The following RIMBP2 variants were observed in gnomAD, a reference collection of about 807,000 sequenced individuals.
RIMBP2 encodes RIMS binding protein 2.
A neutral mutation model predicts 118.6 loss-of-function variants in RIMBP2; 48 were observed. The observed-to-expected ratio is 0.40, with a 90% CI of 0.32 to 0.51. The LOEUF is 0.51. Ranked by LOEUF, RIMBP2 falls within the 20% of genes least tolerant of loss-of-function variation. RIMBP2 has a pLI of 0.41. For synonymous variants in RIMBP2, 762 were observed against 742.9 expected (o/e 1.03, Z -0.42); for missense variants, 1,551 against 1,768.3 (o/e 0.88, Z 2.20).
chr12:130,637,582 A>C (rs1484859225), intron 1 of RIMBP2, among the ~76,000 whole-genome samples: 2 of 152,258 alleles, frequency 1.3e-5, no homozygotes, highest in African/African-American at 2.4e-5. Flanking sequence ...GCCACAGTTA[A>C]GGAATCCTAA....
At chr12:130,711,236 C>G (rs541668889) in intron 1 of RIMBP2, among the ~76,000 whole-genome samples, 1 of 152,274 alleles carries the variant, frequency 6.6e-6, no homozygotes, top group Admixed American at 6.5e-5. Context: ...GAGCAAGACT[C>G]TGTCTCAAAA....
chr12:130,672,636 C>A (rs1053580630), intron 1 of RIMBP2, among the ~76,000 whole-genome samples: 3 of 152,316 alleles, frequency 2.0e-5, no homozygotes, highest in African/African-American at 7.2e-5. Context: ...ACAGCAAAAC[C>A]TCCACGGGGG....
chr12:130,434,912 G>A lies in RIMBP2; in HGVS notation c.2107-32C>T, dbSNP rs532851877. 1.9e-6 allele frequency: 3 copies of A among 1,580,176 alleles called. No individual in the cohort carries two copies. Among genetic ancestry groups the A allele is most frequent in the East Asian group, 2.3e-5 (1 of 43,592 alleles). On this transcript the variant is annotated intron_variant, in intron 13 of 22. Transcript: ENST00000690449. The surrounding 1 kb of genome is among the most constrained non-coding windows in gnomAD (Gnocchi z 5.7). Reference sequence around the variant, plus strand: ...AAGAAAAAGGAGGCACACGGGTGAGGCAGGGCCACCTTCAGCTACGCTCAG... The same window carrying A: ...AAGAAAAAGGAGGCACACGGGTGAGACAGGGCCACCTTCAGCTACGCTCAG...
chr12:130,640,358 T>C (rs561244759), intron 1 of RIMBP2, among the ~76,000 whole-genome samples: 1 of 152,378 alleles, frequency 6.6e-6, no homozygotes, highest in East Asian at 1.9e-4. Context: ...AACAATTATG[T>C]ATGGAACCTT....
chr12:130,590,860 A>ACGGC lies in RIMBP2; in HGVS notation c.-217+37461_-217+37462insGCCG, dbSNP rs1555301600. ...TCCTCACCCCCAAGGTGTCACCCGG[A>ACGGC]TGGCTGGCTGGCTGGCTGGCTAGGT... is the stretch of plus-strand genomic sequence containing the variant. On this transcript the variant is annotated intron_variant, in intron 2 of 22. Transcript: ENST00000690449. Among the ~76,000 whole-genome samples, 25 of 152,246 alleles carry ACGGC rather than the reference A, an allele frequency of 1.6e-4. No homozygotes were observed. The South Asian group carries it at 4.4e-3, about 27-fold the overall frequency.
rs2078872905 is a variant in RIMBP2 at position 130,450,134 on chromosome 12, C to T, written c.581+66G>A. 9.4e-7 allele frequency: 1 copy of T among 1,059,118 alleles called. No homozygotes were observed. Among genetic ancestry groups the T allele is most frequent in the Non-Finnish European group, 1.4e-6 (1 of 699,370 alleles). The allele number at this position is 1,059,118 out of a possible 1,614,324, so 65.6% of individuals were successfully genotyped here. ...GGAACTTCTCAGACCCCAGAGTGTTCCCAGACCCAACATCTCATCTGCCCC... is the reference window on the plus strand; with the variant it reads ...GGAACTTCTCAGACCCCAGAGTGTTTCCAGACCCAACATCTCATCTGCCCC... On this transcript the variant is annotated intron_variant, in intron 9 of 22. Coordinates refer to ENST00000690449, the MANE Select transcript of RIMBP2 (RefSeq NM_001393629.1). The surrounding 1 kb of genome is among the most constrained non-coding windows in gnomAD (Gnocchi z 4.8).
chr12:130,435,742 T>C (rs774653490), intron 13 of RIMBP2, among the ~76,000 whole-genome samples: 8 of 152,252 alleles, frequency 5.3e-5, no homozygotes, highest in Non-Finnish European at 1.0e-4. Context: ...TCGAACGAAT[T>C]AGCAAATTTC....
At chr12:130,700,974 G>A (rs2065828871) in intron 1 of RIMBP2, among the ~76,000 whole-genome samples, 1 of 152,250 alleles carries the variant, frequency 6.6e-6, no homozygotes. Context: ...CATGGTGTGT[G>A]TGCCACATGT....
intron 2 of RIMBP2, among the ~76,000 whole-genome samples, chr12:130,590,245 G>A (rs1479741902): frequency 6.6e-6 from 1 of 152,120 alleles, no homozygotes; most frequent in African/African-American, 2.4e-5. Flanking sequence ...AATCCACATG[G>A]AGGAATGTCA....
At chr12:130,568,763 C>T (rs1360596042) in intron 2 of RIMBP2, among the ~76,000 whole-genome samples, 1 of 152,202 alleles carries the variant, frequency 6.6e-6, no homozygotes, top group Non-Finnish European at 1.5e-5. Flanking sequence ...TGATTTGATA[C>T]ACGCTATTTC....
intron 3 of RIMBP2, among the ~76,000 whole-genome samples, chr12:130,516,578 G>A (rs979974236): frequency 6.6e-6 from 1 of 152,226 alleles, no homozygotes; most frequent in African/African-American, 2.4e-5. Flanking sequence ...TTAGAGCCAC[G>A]AATCCTTACC....
chr12:130,627,517 C>T (rs983636838), intron 2 of RIMBP2, among the ~76,000 whole-genome samples: 3 of 152,296 alleles, frequency 2.0e-5, no homozygotes, highest in African/African-American at 7.2e-5. Flanking sequence ...ACCTGACCAT[C>T]GAACTGTGGA....
chr12:130,416,994 T>C (rs184515643), intron 17 of RIMBP2, among the ~76,000 whole-genome samples: 3 of 152,016 alleles, frequency 2.0e-5, no homozygotes, highest in African/African-American at 7.2e-5. Context: ...ATAAAAATGC[T>C]CCACATCACT....
chr12:130,476,423 C>T (rs2081432676), intron 5 of RIMBP2, among the ~76,000 whole-genome samples: 1 of 152,164 alleles, frequency 6.6e-6, no homozygotes, highest in African/African-American at 2.4e-5. Context: ...GGATGAGGGC[C>T]AGTCTTCAGC....
chr12:130,439,467 GTATT>G (rs2077864662), intron 11 of RIMBP2, among the ~76,000 whole-genome samples: 3 of 146,306 alleles, frequency 2.1e-5, no homozygotes, highest in South Asian at 4.4e-4. Flanking sequence ...GGGTGTGTAT[GTATT>G]TGTGTATGTG....
At chr12:130,438,292 G>A in intron 12 of RIMBP2, 73 bp downstream of exon 12, 1 of 1,553,258 alleles carries the variant, frequency 6.4e-7, no homozygotes, top group Non-Finnish European at 8.8e-7. Context: ...CTCCTCCACT[G>A]AGCAAATACC....
chr12:130,600,496 C>A (rs2059809610), intron 2 of RIMBP2, among the ~76,000 whole-genome samples: 2 of 151,932 alleles, frequency 1.3e-5, no homozygotes, highest in Admixed American at 1.3e-4. Flanking sequence ...TCCAACAGAA[C>A]CTCCCCACTG....
rs868381511 is a variant in RIMBP2, at chr12:130,711,064, G to A, written c.-352+5158C>T. 3.9e-5 allele frequency among the ~76,000 whole-genome samples: 6 copies of A among 152,334 alleles called. No homozygotes were observed. The South Asian group carries it at 8.3e-4, about 21-fold the overall frequency. On this transcript the variant is annotated intron_variant, in intron 1 of 22. Transcript: ENST00000690449. ...TCAAGACCAGCCTGGTCAACATGGC[G>A]TAATCCCATCTCTATTAAAAATACA... is the stretch of plus-strand genomic sequence containing the variant.
intron 1 of RIMBP2, among the ~76,000 whole-genome samples, chr12:130,673,216 G>A (rs2064280804): frequency 6.6e-6 from 1 of 152,230 alleles, no homozygotes; most frequent in Admixed American, 6.5e-5. Context: ...GGCAGAGGAG[G>A]TGGGTGCCTC....
Sources: gnomAD v4.1 joint callset for allele counts (sites outside exome capture counted in the v4.1 genomes callset) on GRCh38, gnomAD v4.1.1 for gene constraint, Gnocchi (gnomAD v3.1) non-coding constraint, MANE v1.5 for transcripts, NCBI Gene and HGNC (gene_info 2026-07-23, HGNC 2026-07-21) for gene names.